DYNC1H1: variants seen among roughly 807,000 people sequenced by gnomAD.
DYNC1H1 encodes cytoplasmic dynein 1 heavy chain 1.
DYNC1H1 carries 51 observed loss-of-function variants against 527.1 expected under a neutral mutation model. That is an observed-to-expected ratio of 0.10 (90% CI 0.08 to 0.12). DYNC1H1 has a LOEUF of 0.12. DYNC1H1 is among the 10% of genes least tolerant of loss of function. The pLI is 1.00. For synonymous variants in DYNC1H1, 2,189 were observed against 2,278.8 expected, an observed-to-expected ratio of 0.96 and a Z score of 1.12; for missense variants, 2,771 against 5,971.8, an observed-to-expected ratio of 0.46 and a Z score of 17.66.
Position 102,041,874 on chromosome 14 carries a change from A to G in DYNC1H1, c.12103-139A>G. 2 of 1,509,854 alleles carry G rather than the reference A, an allele frequency of 1.3e-6. No homozygotes were observed. Among genetic ancestry groups the G allele is most frequent in the Non-Finnish European group, 9.1e-7 (1 of 1,103,598 alleles). The allele number at this position is 1,509,854 out of a possible 1,614,324, so 93.5% of individuals were successfully genotyped here. A position where few individuals can be genotyped will look rare whatever the true frequency, so the allele number is the denominator to read the frequency against. ...ACCAGGAACTCGCTGCAGATTCTCA[A>G]CTCCTGGCTGCATGGTGCCCACACC... On this transcript the variant is annotated intron_variant, in intron 65 of 77. Transcript: ENST00000360184. This position sits in a 1 kb window ranked among gnomAD's most constrained non-coding sequence, Gnocchi z 4.5.
At position 101,964,796 on chromosome 14, in the gene DYNC1H1, C is replaced by A. The variant is rs763730356; in HGVS notation, c.105C>A (p.Arg35=). ...TGTCGGTGCTGCAGAAGCACCTGCG[C>A]AAGCTGGTGCCGCTGCTGCTGGAGG... ...ADVSVLQKHL[R]KLVPLLLEDG... is the part of the protein sequence containing the mutation. The change falls in exon 1 of 78, where the codon CGC becomes CGA. Residue 35 remains arginine, a synonymous_variant. Coordinates refer to ENST00000360184, the MANE Select transcript of DYNC1H1 (RefSeq NM_001376.5). The surrounding 1 kb of genome is among the most constrained non-coding windows in gnomAD (Gnocchi z 5.5). 2 of 1,603,194 alleles carry A rather than the reference C, an allele frequency of 1.2e-6. No individual in the cohort carries two copies. The highest frequency in any genetic ancestry group is 1.7e-6 in the Non-Finnish European group (2 of 1,176,712).
chr14:102,046,259 A>T (rs2048717180), intron 72 of DYNC1H1, among the ~76,000 whole-genome samples: 1 of 152,146 alleles, frequency 6.6e-6, no homozygotes, highest in Non-Finnish European at 1.5e-5. Context: ...GCCTTCACAA[A>T]GCCTCCAAGC....
Position 102,054,227 on chromosome 14 carries a change from T to C in DYNC1H1, c.*3664T>C, listed in dbSNP as rs2048852670. 1 of 152,200 alleles carries C rather than the reference T, an allele frequency of 6.6e-6. No individual in the cohort carries two copies. Among genetic ancestry groups the C allele is most frequent in the Non-Finnish European group, 1.5e-5 (1 of 68,110 alleles). 9.4% of individuals were successfully genotyped at this position (152,200 alleles called of 1,614,324 possible). A position where few individuals can be genotyped will look rare whatever the true frequency, so the allele number is the denominator to read the frequency against. On this transcript the variant is annotated 3_prime_UTR_variant, in exon 78 of 78. Transcript: ENST00000360184. ...CCGTTGGCAGGGCAGAGCTCCGTCT[T>C]TTCCTCTCAACAGCTCTTCCAAAGG... is the stretch of plus-strand genomic sequence containing the variant.
rs1441763879 is a variant in DYNC1H1, at chr14:102,041,223, G to T, written c.11942-351G>T. On this transcript the variant is annotated intron_variant, in intron 64 of 77. Coordinates refer to ENST00000360184, the MANE Select transcript of DYNC1H1 (RefSeq NM_001376.5). The surrounding 1 kb of genome is among the most constrained non-coding windows in gnomAD (Gnocchi z 4.5). ...TTGAGTGTGTTAGGCCAGACCCTGG[G>T]CTAGCCAGGCTGAGAGGAAGTGTCA... is the stretch of plus-strand genomic sequence containing the variant. 2.6e-6 allele frequency: 1 copy of T among 390,642 alleles called. No homozygotes were observed. Among genetic ancestry groups the T allele is most frequent in the East Asian group, 6.3e-5 (1 of 15,918 alleles). 24.2% of individuals were successfully genotyped at this position (390,642 alleles called of 1,614,324 possible). A position where few individuals can be genotyped will look rare whatever the true frequency, so the allele number is the denominator to read the frequency against.
chr14:102,049,966 A>T lies in DYNC1H1; in HGVS notation c.13684+84A>T, dbSNP rs17541699. ...CCATTGTTCCCAGATACATGCACTTAGGGTGACCGGCTGGCAGTTGGGTGG... is the reference window on the plus strand; with the variant it reads ...CCATTGTTCCCAGATACATGCACTTTGGGTGACCGGCTGGCAGTTGGGTGG... On this transcript the variant is annotated intron_variant, in intron 76 of 77. Transcript: ENST00000360184. This position sits in a 1 kb window ranked among gnomAD's most constrained non-coding sequence, Gnocchi z 5.5. 2.4e-4 allele frequency: 359 copies of T among 1,485,286 alleles called. No homozygotes were observed. The African/African-American group carries it at 4.4e-3, about 18-fold the overall frequency. 92.0% of individuals were successfully genotyped at this position (1,485,286 alleles called of 1,614,324 possible). A position where few individuals can be genotyped will look rare whatever the true frequency, so the allele number is the denominator to read the frequency against.
Position 101,965,936 on chromosome 14 carries a change from C to A in DYNC1H1, c.256+989C>A, listed in dbSNP as rs971004729. Among the ~76,000 whole-genome samples the A allele has an allele frequency of 6.6e-6, 1 of 152,094 alleles. No individual in the cohort carries two copies. The highest frequency in any genetic ancestry group is 1.5e-5 in the Non-Finnish European group (1 of 68,024). On this transcript the variant is annotated intron_variant, in intron 1 of 77. Transcript: ENST00000360184. This position sits in a 1 kb window ranked among gnomAD's most constrained non-coding sequence, Gnocchi z 4.1. Reference sequence around the variant, plus strand: ...CCAGCAAGGTTACATTCATCTAAGTCTGGGGCTTGCCTGCAGGCAGGCTTT... The same window carrying A: ...CCAGCAAGGTTACATTCATCTAAGTATGGGGCTTGCCTGCAGGCAGGCTTT...
At position 101,986,358 on chromosome 14, in the gene DYNC1H1, C is replaced by T. The variant is rs774360588; in HGVS notation, c.2133C>T (p.Leu711=). The T allele has an allele frequency of 5.6e-6, 9 of 1,613,938 alleles. No individual in the cohort carries two copies. The highest frequency in any genetic ancestry group is 1.7e-5 in the Admixed American group (1 of 59,980). ...CAAGGAAGGTGCAGCAGCGCAACCTCGGTGTCTCGGGGCGCATTTTCACCA... is the reference window on the plus strand; with the variant it reads ...CAAGGAAGGTGCAGCAGCGCAACCTTGGTGTCTCGGGGCGCATTTTCACCA... ...DWARKVQQRN[L]GVSGRIFTIE... The change falls in exon 8 of 78, where the codon CTC becomes CTT. Residue 711 remains leucine, a synonymous_variant. Coordinates refer to ENST00000360184, the MANE Select transcript of DYNC1H1 (RefSeq NM_001376.5). The surrounding 1 kb of genome is among the most constrained non-coding windows in gnomAD (Gnocchi z 8.7).
intron 43 of DYNC1H1, chr14:102,023,287 A>G: frequency 2.0e-5 from 7 of 348,404 alleles, no homozygotes; most frequent in South Asian, 1.6e-4. Flanking sequence ...GCGGTGGCTC[A>G]TGCCTGTAAT....
rs773319640 is a variant in DYNC1H1, at chr14:102,044,014, C to T, written c.12653C>T (p.Thr4218Met). Residue 4218 changes from threonine (T) to methionine (M), a missense_variant, in exon 70 of 78, where the codon ACG becomes ATG. Physicochemically the swap from Thr to Met is moderately conservative, Grantham distance 81 (BLOSUM62 -1). This residue lies in a region of DYNC1H1 where 195 missense variants were observed against 428.6 expected (regional missense o/e 0.45). Transcript: ENST00000360184. This position sits in a 1 kb window ranked among gnomAD's most constrained non-coding sequence, Gnocchi z 7.1. ...GESDLRSACD[T>M]VDTWLDDTAK... ...TCTGACCTGCGGTCAGCTTGCGATACGGTGGACACGTGGCTGGATGACACG... is the reference window on the plus strand; with the variant it reads ...TCTGACCTGCGGTCAGCTTGCGATATGGTGGACACGTGGCTGGATGACACG... 9 of 1,613,984 alleles carry T rather than the reference C, an allele frequency of 5.6e-6. No homozygotes were observed. The highest frequency in any genetic ancestry group is 2.2e-5 in the East Asian group (1 of 44,890).
Position 102,039,980 on chromosome 14 carries a change from G to A in DYNC1H1, c.11690+248G>A, listed in dbSNP as rs929441234. 2.0e-5 allele frequency among the ~76,000 whole-genome samples: 3 copies of A among 152,162 alleles called. No homozygotes were observed. The highest frequency in any genetic ancestry group is 4.4e-5 in the Non-Finnish European group (3 of 68,042). On this transcript the variant is annotated intron_variant, in intron 62 of 77. Transcript: ENST00000360184. This position sits in a 1 kb window ranked among gnomAD's most constrained non-coding sequence, Gnocchi z 7.0. ...AGTCTCCGAAGTAGCTAGGACTATA[G>A]GCGCAGGCCACCACATCTGGCTAAT...
Position 102,036,933 on chromosome 14 carries a change from C to T in DYNC1H1, c.10908+291C>T, listed in dbSNP as rs2048582532. The T allele has an allele frequency of 5.5e-6, 2 of 362,346 alleles. No homozygotes were observed. Among genetic ancestry groups the T allele is most frequent in the Admixed American group, 3.8e-5 (1 of 26,536 alleles). 22.4% of individuals were successfully genotyped at this position (362,346 alleles called of 1,614,324 possible). On this transcript the variant is annotated intron_variant, in intron 57 of 77. Transcript: ENST00000360184. The surrounding 1 kb of genome is among the most constrained non-coding windows in gnomAD (Gnocchi z 5.6). The stretch of plus-strand genomic sequence containing the variant: ...AAAGCCTGGCTAAACCCCATCTCTA[C>T]AAAAAATACAAAAATTAGCTGGTTG...
At chr14:101,969,023 T>C (rs2047698764) in intron 1 of DYNC1H1, among the ~76,000 whole-genome samples, 1 of 152,026 alleles carries the variant, frequency 6.6e-6, no homozygotes, top group East Asian at 1.9e-4. Flanking sequence ...TCTTTCTTTT[T>C]TTCTTTTTTT....
intron 5 of DYNC1H1, among the ~76,000 whole-genome samples, chr14:101,981,976 G>C (rs1013350798): frequency 6.6e-6 from 1 of 152,096 alleles, no homozygotes; most frequent in Non-Finnish European, 1.5e-5. Flanking sequence ...TAGAACAGGG[G>C]TCCCCAACCC....
chr14:102,033,546 C>G lies in DYNC1H1; in HGVS notation c.10413+62C>G. On this transcript the variant is annotated intron_variant, in intron 54 of 77. Transcript: ENST00000360184. This position sits in a 1 kb window ranked among gnomAD's most constrained non-coding sequence, Gnocchi z 5.6. ...TGTGGAAGCAGAGATTAACACACTT[C>G]AACATGCGCTGCATGCACCATGCTG... is the stretch of plus-strand genomic sequence containing the variant. The G allele has an allele frequency of 6.3e-7, 1 of 1,591,840 alleles. No homozygotes were observed. Among genetic ancestry groups the G allele is most frequent in the East Asian group, 2.3e-5 (1 of 44,134 alleles).
In DYNC1H1 at chr14:102,050,212, G is replaced by A. The variant is rs1238760140; in HGVS notation, c.13812+14G>A. 3 of 1,613,872 alleles carry A rather than the reference G, an allele frequency of 1.9e-6. No individual in the cohort carries two copies. Among genetic ancestry groups the A allele is most frequent in the Non-Finnish European group, 2.5e-6 (3 of 1,180,032 alleles). On this transcript the variant is annotated intron_variant, in intron 77 of 77. Transcript: ENST00000360184. Reference sequence around the variant, plus strand: ...AAGGCCAGTGTGGTAAGGAGGCACTGCCTTTCCCAGGCATTCTGCAGGGAC... The same window carrying A: ...AAGGCCAGTGTGGTAAGGAGGCACTACCTTTCCCAGGCATTCTGCAGGGAC...
At position 102,011,866 on chromosome 14, in the gene DYNC1H1, GC is replaced by G; in HGVS notation, c.6619-6del. 6.2e-7 allele frequency: 1 copy of G among 1,613,968 alleles called. No homozygotes were observed. The highest frequency in any genetic ancestry group is 8.5e-7 in the Non-Finnish European group (1 of 1,179,986). On this transcript the variant is annotated splice_region_variant and splice_polypyrimidine_tract_variant and intron_variant, in intron 32 of 77. Coordinates refer to ENST00000360184, the MANE Select transcript of DYNC1H1 (RefSeq NM_001376.5). This position sits in a 1 kb window ranked among gnomAD's most constrained non-coding sequence, Gnocchi z 5.3. ...GATGGTCACTGTGCTGGTCTGTTGGGCCCTGCAGGTTCTCCAGCTCTATCAG... is the reference window on the plus strand; with the variant it reads ...GATGGTCACTGTGCTGGTCTGTTGGGCCTGCAGGTTCTCCAGCTCTATCAG...
At chr14:101,972,734 A>C (rs1025664434) in intron 1 of DYNC1H1, among the ~76,000 whole-genome samples, 1 of 152,222 alleles carries the variant, frequency 6.6e-6, no homozygotes, top group Admixed American at 6.5e-5. Context: ...AATGATTCAG[A>C]GTTAACAAGC....
Position 102,027,711 on chromosome 14 carries a change from C to T in DYNC1H1, c.9141C>T (p.His3047=), listed in dbSNP as rs769028111. The part of the protein sequence containing the change: ...AQKEGLMLDS[H]EELYKWFTSQ... ...AGGAAGGCCTGATGCTGGACTCGCA[C>T]GAGGAGCTCTACAAGTGGTTCACTA... is the stretch of plus-strand genomic sequence containing the variant. The change falls in exon 47 of 78, where the codon CAC becomes CAT. Residue 3047 remains histidine (H), a synonymous_variant. Coordinates refer to ENST00000360184, the MANE Select transcript of DYNC1H1 (RefSeq NM_001376.5). The surrounding 1 kb of genome is among the most constrained non-coding windows in gnomAD (Gnocchi z 7.7). The T allele has an allele frequency of 3.1e-6, 5 of 1,614,146 alleles. No individual in the cohort carries two copies. Among genetic ancestry groups the T allele is most frequent in the Non-Finnish European group, 4.2e-6 (5 of 1,180,018 alleles).
chr14:101,994,167 C>T lies in DYNC1H1; in HGVS notation c.3016-17C>T, dbSNP rs372920554. 62 of 1,613,942 alleles carry T rather than the reference C, an allele frequency of 3.8e-5. No homozygotes were observed. The highest frequency in any genetic ancestry group is 1.1e-4 in the East Asian group (5 of 44,890). Reference sequence around the variant, plus strand: ...TCATATACACTGCTTGCATTCATTTCGGCTTTGGTTGGCTAGGTGGGTGTA... The same window carrying T: ...TCATATACACTGCTTGCATTCATTTTGGCTTTGGTTGGCTAGGTGGGTGTA... On this transcript the variant is annotated splice_polypyrimidine_tract_variant and intron_variant, in intron 11 of 77. Coordinates refer to ENST00000360184, the MANE Select transcript of DYNC1H1 (RefSeq NM_001376.5).
Sources: allele counts gnomAD v4.1 joint callset (sites outside exome capture counted in the v4.1 genomes callset), GRCh38; gene constraint gnomAD v4.1.1; regional missense constraint gnomAD v4.1.1; non-coding constraint Gnocchi (gnomAD v3.1); transcripts MANE v1.5; gene names NCBI Gene and HGNC (gene_info 2026-07-23, HGNC 2026-07-21).